The following SNU13 variants were observed in gnomAD, a reference collection of about 807,000 sequenced individuals.
SNU13 encodes the protein small nuclear ribonucleoprotein 13.
SNU13 carries 2 observed loss-of-function variants against 12.4 expected under a neutral mutation model. The observed-to-expected ratio is 0.16, with a 90% CI of 0.07 to 0.51. The LOEUF (loss-of-function observed/expected upper bound fraction) is 0.51, where lower values mean the gene tolerates loss of function less well. SNU13 is among the 20% of genes least tolerant of loss of function. The pLI is 0.96. For missense variants in SNU13, 66 were observed against 157.8 expected (o/e 0.42, Z 3.12); for synonymous variants, 68 against 66.5 (o/e 1.02, Z -0.11).
rs770656441 is a variant in SNU13 at position 41,682,335 on chromosome 22, T to C, written c.4-1971A>G. ...CTCTCGGGAGGTGACCCGGAGATAA[T>C]GGCCCAGTAGGAACACTCACCATAG... On this transcript the variant is annotated intron_variant, in intron 1 of 2. Transcript: ENST00000401959. The C allele has an allele frequency of 3.7e-6, 6 of 1,609,132 alleles. No individual in the cohort carries two copies. The Admixed American group carries it at 5.0e-5, about 13-fold the overall frequency.
At position 41,688,830 on chromosome 22, in the gene SNU13, G is replaced by A. The variant is rs199776499; in HGVS notation, c.-34C>T. The stretch of plus-strand genomic sequence containing the variant: ...TTCCGCGGGCTCAGCACTCCTAGGG[G>A]AGCGCAGCTGACGTTTCAGAAGCAC... On this transcript the variant is annotated 5_prime_UTR_variant, in exon 1 of 3. Transcript: ENST00000401959. 703 of 1,576,388 alleles carry A rather than the reference G, an allele frequency of 4.5e-4. 5 individuals carry two copies. The highest frequency in any genetic ancestry group is 8.6e-5 in the Admixed American group (5 of 58,170).
chr22:41,683,510 G>A (rs975818851), intron 1 of SNU13, among the ~76,000 whole-genome samples: 8 of 151,996 alleles, frequency 5.3e-5, no homozygotes, highest in Non-Finnish European at 1.0e-4. Context: ...CAAAGTACTG[G>A]GATTACAGGT....
intron 1 of SNU13, among the ~76,000 whole-genome samples, 158 bp downstream of exon 1, chr22:41,688,636 C>G (rs1477971783): frequency 2.0e-5 from 3 of 152,166 alleles, no homozygotes; most frequent in African/African-American, 7.2e-5. Context: ...CTGCTGGGAC[C>G]CCGCCGCTGC....
At chr22:41,682,173 G>T (rs2068269263) in intron 1 of SNU13, among the ~76,000 whole-genome samples, 1 of 151,982 alleles carries the variant, frequency 6.6e-6, no homozygotes, top group South Asian at 2.1e-4. Flanking sequence ...GCTGGAGACG[G>T]AGATGGCCTG....
Position 41,682,407 on chromosome 22 carries a change from G to C in SNU13, c.4-2043C>G, listed in dbSNP as rs199796398. The C allele has an allele frequency of 5.0e-5, 80 of 1,613,562 alleles. 1 individual carries two copies. Among genetic ancestry groups the C allele is most frequent in the Middle Eastern group, 3.3e-4 (2 of 6,062 alleles). On this transcript the variant is annotated intron_variant, in intron 1 of 2. Coordinates refer to ENST00000401959, the MANE Select transcript of SNU13 (RefSeq NM_001003796.2). ...GCCGGACACCGCGAGGATACCACGC[G>C]TGTCGGTTTGGACGGTCTGCTGCCC...
At position 41,682,407 on chromosome 22, in the gene SNU13, G is replaced by T. The variant is rs199796398; in HGVS notation, c.4-2043C>A. ...GCCGGACACCGCGAGGATACCACGC[G>T]TGTCGGTTTGGACGGTCTGCTGCCC... On this transcript the variant is annotated intron_variant, in intron 1 of 2. Coordinates refer to ENST00000401959, the MANE Select transcript of SNU13 (RefSeq NM_001003796.2). 3.1e-6 allele frequency: 5 copies of T among 1,613,444 alleles called. No homozygotes were observed. In the East Asian group the frequency reaches 1.1e-4, roughly 36 times the overall value.
chr22:41,680,537 A>G (rs1015699789), intron 1 of SNU13, among the ~76,000 whole-genome samples, 173 bp from the exon 2 acceptor site: 12 of 152,190 alleles, frequency 7.9e-5, no homozygotes, highest in Admixed American at 7.9e-4. Context: ...ACCTTCGAAA[A>G]AAAGGAAATA....
At chr22:41,678,106 G>A (rs1219817543) in intron 2 of SNU13, among the ~76,000 whole-genome samples, 4 of 151,954 alleles carry the variant, frequency 2.6e-5, no homozygotes, top group African/African-American at 9.7e-5. Context: ...CTCCTGAGCA[G>A]CTGGGACTAT....
intron 1 of SNU13, among the ~76,000 whole-genome samples, chr22:41,683,117 C>T (rs1336766354): frequency 6.6e-6 from 1 of 152,214 alleles, no homozygotes; most frequent in African/African-American, 2.4e-5. Context: ...CAGCCTCAGC[C>T]TCCAGAGCAG....
intron 2 of SNU13, among the ~76,000 whole-genome samples, chr22:41,676,150 T>C (rs564613634): frequency 1.3e-5 from 2 of 152,170 alleles, no homozygotes; most frequent in African/African-American, 4.8e-5. Flanking sequence ...AATAATATAG[T>C]ATTTCTCAAG....
intron 1 of SNU13, among the ~76,000 whole-genome samples, chr22:41,682,962 A>T (rs975925087): frequency 6.7e-6 from 1 of 149,786 alleles, no homozygotes; most frequent in African/African-American, 2.5e-5. Context: ...CTTTCTTTTT[A>T]ATGTCTATAG....
chr22:41,688,732 AG>A, intron 1 of SNU13, 61 bp downstream of exon 1: 2 of 1,589,736 alleles, frequency 1.3e-6, no homozygotes, highest in South Asian at 2.2e-5. Flanking sequence ...CTAACAGGCT[AG>A]GGAGTGAACG....
At chr22:41,682,237 G>A in intron 1 of SNU13, 5 of 1,080,160 alleles carry the variant, frequency 4.6e-6, no homozygotes, top group South Asian at 1.3e-5. Context: ...CCGACACCGC[G>A]CACCTGCCTT....
rs546316422 is a variant in SNU13 at position 41,685,968 on chromosome 22, CAA to C, written c.3+2824_3+2825del. On this transcript the variant is annotated intron_variant, in intron 1 of 2. Transcript: ENST00000401959. ...TGGGTGACAGAGCGAGACTCTGTCT[CAA>C]AAAAAAAAAAAAAAAAATTTGTAGA... Among the ~76,000 whole-genome samples the C allele has an allele frequency of 6.3e-3, 791 of 126,046 alleles. 1 individual carries two copies. The highest frequency in any genetic ancestry group is 0.012 in the African/African-American group (414 of 33,866). The allele number at this position is 126,046 out of a possible 152,430, so 82.7% of individuals were successfully genotyped here. A position where few individuals can be genotyped will look rare whatever the true frequency, so the allele number is the denominator to read the frequency against.
upstream of SNU13, chr22:41,689,005 T>G (rs2068338159): frequency 7.6e-7 from 1 of 1,318,938 alleles, no homozygotes; most frequent in African/African-American, 1.5e-5. Context: ...GGAACGTACT[T>G]TGGCGTTCTT....
chr22:41,678,033 T>C (rs2068229067), intron 2 of SNU13, among the ~76,000 whole-genome samples: 1 of 151,562 alleles, frequency 6.6e-6, no homozygotes, highest in Non-Finnish European at 1.5e-5. Flanking sequence ...TAGAGTGCAG[T>C]GGTGAGATCT....
At chr22:41,675,429 T>C (rs920400531) in intron 2 of SNU13, among the ~76,000 whole-genome samples, 9 of 144,806 alleles carry the variant, frequency 6.2e-5, no homozygotes, top group Admixed American at 1.4e-4. Context: ...CTTCTTCTTC[T>C]TTTTTTTTTT....
chr22:41,688,771 C>T (rs775537014), intron 1 of SNU13, 23 bp downstream of exon 1: 14 of 1,598,734 alleles, frequency 8.8e-6, no homozygotes, highest in Non-Finnish European at 1.2e-5. Flanking sequence ...CTTCCCGGTC[C>T]CTCGGCCGGC....
intron 1 of SNU13, chr22:41,682,489 G>T: frequency 6.4e-7 from 1 of 1,573,980 alleles, no homozygotes. Context: ...CGCCACTGCC[G>T]CCAGCGGAAG....
Sources: allele counts gnomAD v4.1 joint callset (sites outside exome capture counted in the v4.1 genomes callset), GRCh38; gene constraint gnomAD v4.1.1; transcripts MANE v1.5; gene names NCBI Gene and HGNC (gene_info 2026-07-23, HGNC 2026-07-21).